Variants in WT1 observed in about 807,000 individuals in gnomAD.
WT1 encodes WT1 transcription factor, also known as Wilms tumor protein.
Under a neutral mutation model 60.8 loss-of-function variants are expected in WT1, and 8 were observed. That is an observed-to-expected ratio of 0.13 (90% CI 0.08 to 0.24). WT1 has a LOEUF of 0.24. Ranked by LOEUF, WT1 falls within the 10% of genes least tolerant of loss-of-function variation. The probability of loss-of-function intolerance (pLI) is 1.00; values close to 1 mark genes in which losing one functional copy is unlikely to be tolerated. For missense variants in WT1, 568 were observed against 711.8 expected (o/e 0.80, Z 2.30); for synonymous variants, 312 against 297.1 (o/e 1.05, Z -0.52).
At chr11:32,404,786 G>A (rs1180768487) in intron 5 of WT1, among the ~76,000 whole-genome samples, 2 of 152,120 alleles carry the variant, frequency 1.3e-5, no homozygotes, top group African/African-American at 2.4e-5. Context: ...AAAAAGAAAC[G>A]GACTTGGGCA....
intron 1 of WT1, 28 bp from the exon 2 acceptor site, chr11:32,428,647 T>G: frequency 6.2e-7 from 1 of 1,607,988 alleles, no homozygotes; most frequent in East Asian, 2.2e-5. Context: ...AGAAGCACAG[T>G]GTCAGCGGTG....
At chr11:32,394,519 A>G (rs1239776634) in intron 7 of WT1, among the ~76,000 whole-genome samples, 1 of 152,168 alleles carries the variant, frequency 6.6e-6, no homozygotes, top group African/African-American at 2.4e-5. Flanking sequence ...GAACTCTTTG[A>G]GAAGGAGGAT....
chr11:32,400,276 G>C, intron 5 of WT1: 1 of 605,696 alleles, frequency 1.7e-6, no homozygotes, highest in Non-Finnish European at 3.0e-6. Context: ...TCTCGTAGGC[G>C]TGCACCGTCA....
chr11:32,427,153 G>A (rs572103697), intron 3 of WT1, among the ~76,000 whole-genome samples: 1 of 152,316 alleles, frequency 6.6e-6, no homozygotes, highest in Non-Finnish European at 1.5e-5. Flanking sequence ...CCCGGCCCCC[G>A]CCCCAACTTC....
intron 5 of WT1, among the ~76,000 whole-genome samples, chr11:32,411,953 G>T (rs1590365805): frequency 6.6e-6 from 1 of 152,312 alleles, no homozygotes; most frequent in Admixed American, 6.5e-5. Context: ...GTTGCTGGGG[G>T]TGGAGATGGA....
intron 6 of WT1, among the ~76,000 whole-genome samples, chr11:32,397,070 C>T (rs1372156650): frequency 6.6e-6 from 1 of 152,206 alleles, no homozygotes; most frequent in African/African-American, 2.4e-5. Flanking sequence ...CTGCACACGT[C>T]CTTTGCAGGG....
chr11:32,420,868 G>T (rs1235172927), intron 3 of WT1, among the ~76,000 whole-genome samples: 1 of 152,218 alleles, frequency 6.6e-6, no homozygotes, highest in Non-Finnish European at 1.5e-5. Flanking sequence ...CATTCTAGCT[G>T]TCCTGATAGC....
rs77176425 is a variant in WT1, at chr11:32,398,235, C to T, written c.1113+1713G>A. ...ATCAGAACATCTCAGAGCTACTTGC[C>T]CCACGTATCATGTGGGGTCTGGCCC... is the stretch of plus-strand genomic sequence containing the variant. On this transcript the variant is annotated intron_variant, in intron 6 of 9. Coordinates refer to ENST00000452863, the MANE Select transcript of WT1 (RefSeq NM_024426.6). Among the ~76,000 whole-genome samples the T allele has an allele frequency of 8.4e-3, 1,279 of 152,226 alleles. 19 individuals carry two copies. Among genetic ancestry groups the T allele is most frequent in the African/African-American group, 0.029 (1,214 of 41,526 alleles).
chr11:32,398,475 T>A (rs554059085), intron 6 of WT1, among the ~76,000 whole-genome samples: 1 of 152,198 alleles, frequency 6.6e-6, no homozygotes, highest in East Asian at 1.9e-4. Flanking sequence ...TCTCCAAAAC[T>A]TTTACCTTTA....
chr11:32,410,056 G>A (rs1454156802), intron 5 of WT1, among the ~76,000 whole-genome samples: 2 of 151,994 alleles, frequency 1.3e-5, no homozygotes, highest in Non-Finnish European at 2.9e-5. Context: ...TCAGCCTCCC[G>A]AGCAGCTGGG....
chr11:32,430,602 A>T (rs895989003), intron 1 of WT1: 2 of 1,587,294 alleles, frequency 1.3e-6, no homozygotes, highest in Non-Finnish European at 1.7e-6. Context: ...CCTGCTCCGC[A>T]ACTGTCCGTG....
At chr11:32,432,295 AC>A (rs2133093085) in intron 1 of WT1, among the ~76,000 whole-genome samples, 1 of 152,054 alleles carries the variant, frequency 6.6e-6, no homozygotes, top group Non-Finnish European at 1.5e-5. Context: ...GGCCATTTCC[AC>A]ATTTTTGAGA....
At chr11:32,391,284 AC>A (rs1851809719) in intron 9 of WT1, among the ~76,000 whole-genome samples, 1 of 152,188 alleles carries the variant, frequency 6.6e-6, no homozygotes, top group Non-Finnish European at 1.5e-5. Flanking sequence ...AGCCGGTCCT[AC>A]CTTACTCTAC....
intron 6 of WT1, among the ~76,000 whole-genome samples, 196 bp downstream of exon 6, chr11:32,399,752 G>A (rs1371312460): frequency 2.0e-5 from 3 of 152,240 alleles, no homozygotes; most frequent in African/African-American, 4.8e-5. Flanking sequence ...GTCAGGCAGC[G>A]GGGCAGCCTC....
In WT1 at chr11:32,435,180, G is replaced by A; in HGVS notation, c.181C>T (p.Arg61Trp). 6.6e-7 allele frequency: 1 copy of A among 1,521,772 alleles called. No individual in the cohort carries two copies. The highest frequency in any genetic ancestry group is 8.8e-7 in the Non-Finnish European group (1 of 1,140,094). The allele number at this position is 1,521,772 out of a possible 1,614,324, so 94.3% of individuals were successfully genotyped here. ...GACCCGGACGCCCCGCGGCTCCTCC[G>A]GCCCTGGAGACGTTCAGCGCTGGCC... The change falls in exon 1 of 10, where the codon CGG (arginine) becomes TGG (tryptophan). Residue 61 changes from arginine to tryptophan, a missense_variant. Coordinates refer to ENST00000452863, the MANE Select transcript of WT1 (RefSeq NM_024426.6).
chr11:32,396,223 T>C, intron 7 of WT1, 34 bp downstream of exon 7: 2 of 1,613,950 alleles, frequency 1.2e-6, no homozygotes, highest in Non-Finnish European at 1.7e-6. Flanking sequence ...TCTTGAACCA[T>C]GTTTGCCCAA....
chr11:32,428,687 C>G, intron 1 of WT1, 68 bp from the exon 2 acceptor site: 3 of 1,562,136 alleles, frequency 1.9e-6, no homozygotes, highest in Non-Finnish European at 2.6e-6. Flanking sequence ...TGGGTCTGAA[C>G]CAGCCACGGG....
intron 5 of WT1, among the ~76,000 whole-genome samples, chr11:32,408,974 G>A (rs1382712999): frequency 6.6e-6 from 1 of 152,214 alleles, no homozygotes; most frequent in Non-Finnish European, 1.5e-5. Context: ...GGAATTCTCA[G>A]TGGTTATGCC....
At chr11:32,400,322 C>G in intron 5 of WT1, 2 of 513,876 alleles carry the variant, frequency 3.9e-6, no homozygotes, top group South Asian at 4.0e-5. Flanking sequence ...CGAGGAAGAC[C>G]ACAGTGGCAG....
Sources: allele counts gnomAD v4.1 joint callset (sites outside exome capture counted in the v4.1 genomes callset), GRCh38; gene constraint gnomAD v4.1.1; transcripts MANE v1.5; gene names NCBI Gene and HGNC (gene_info 2026-07-23, HGNC 2026-07-21).